The following KCNIP4 variants were observed in gnomAD, a reference collection of about 807,000 sequenced individuals.
KCNIP4 encodes the protein Kv channel-interacting protein 4.
In KCNIP4, 12 loss-of-function variants were observed where a neutral mutation model predicts 34.0. That is an observed-to-expected ratio of 0.35 (90% confidence interval 0.23 to 0.57). The LOEUF (loss-of-function observed/expected upper bound fraction) is 0.57, where lower values mean the gene tolerates loss of function less well. Ranked by LOEUF, KCNIP4 falls within the 20% of genes least tolerant of loss-of-function variation. The pLI is 0.83. For missense variants in KCNIP4, 238 were observed against 311.7 expected (o/e 0.76, Z 1.78); for synonymous variants, 124 against 102.2 (o/e 1.21, Z -1.29).
chr4:21,928,195 G>A (rs932374775), intron 1 of KCNIP4, among the ~76,000 whole-genome samples: 1 of 150,992 alleles, frequency 6.6e-6, no homozygotes, highest in Non-Finnish European at 1.5e-5. Context: ...TAAACCCCTG[G>A]TTTGGATCAG....
chr4:20,922,963 G>A (rs1039307577), intron 1 of KCNIP4, among the ~76,000 whole-genome samples: 18 of 151,134 alleles, frequency 1.2e-4, no homozygotes, highest in Admixed American at 7.3e-4. Flanking sequence ...ATGTGAGTAC[G>A]TGTGTGTGTG....
At chr4:20,846,666 G>A (rs1006814752) in intron 3 of KCNIP4, among the ~76,000 whole-genome samples, 24 of 151,678 alleles carry the variant, frequency 1.6e-4, no homozygotes, top group African/African-American at 5.6e-4. Flanking sequence ...ACACACATAC[G>A]CGCACACACA....
At chr4:21,113,247 A>G (rs1413642600) in intron 1 of KCNIP4, among the ~76,000 whole-genome samples, 2 of 152,162 alleles carry the variant, frequency 1.3e-5, no homozygotes, top group African/African-American at 2.4e-5. Context: ...AGTTCTTTCA[A>G]AAGTAACAAA....
intron 1 of KCNIP4, among the ~76,000 whole-genome samples, chr4:21,144,236 T>G (rs1752189346): frequency 6.6e-6 from 1 of 152,244 alleles, no homozygotes; most frequent in African/African-American, 2.4e-5. Context: ...AGTGGTACTT[T>G]AAATCCTTCT....
chr4:21,851,795 T>C (rs1425718541), intron 1 of KCNIP4: 1 of 152,166 alleles, frequency 6.6e-6, no homozygotes, highest in Non-Finnish European at 1.5e-5. Flanking sequence ...TTTAGTTTTT[T>C]AAATTGTCAG....
At chr4:21,775,263 A>G (rs1719097953) in intron 1 of KCNIP4, among the ~76,000 whole-genome samples, 1 of 152,028 alleles carries the variant, frequency 6.6e-6, no homozygotes, top group Non-Finnish European at 1.5e-5. Flanking sequence ...TTCAGGCCCT[A>G]TTCATCTGAT....
chr4:21,320,964 T>TTAAAAAAAAAAAA (rs1553860312), intron 1 of KCNIP4, among the ~76,000 whole-genome samples: 4 of 102,916 alleles, frequency 3.9e-5, no homozygotes, highest in Non-Finnish European at 3.7e-5. Context: ...GAATCTGTCT[T>TTAAAAAAAAAAAA]AAAAAAAAAA....
At chr4:21,906,589 T>C (rs1728014802) in intron 1 of KCNIP4, among the ~76,000 whole-genome samples, 1 of 152,102 alleles carries the variant, frequency 6.6e-6, no homozygotes, top group African/African-American at 2.4e-5. Flanking sequence ...TTCTGTCTGT[T>C]AGAAGCCACA....
At chr4:21,500,125 G>C (rs951528622) in intron 1 of KCNIP4, among the ~76,000 whole-genome samples, 121 of 152,198 alleles carry the variant, frequency 8.0e-4, no homozygotes, top group African/African-American at 2.8e-3. Context: ...CAAGCAAAAA[G>C]GCTACACAAC....
chr4:20,957,256 A>T (rs1733407623), intron 1 of KCNIP4, among the ~76,000 whole-genome samples: 1 of 152,162 alleles, frequency 6.6e-6, no homozygotes, highest in Admixed American at 6.5e-5. Flanking sequence ...TGAGGGTTCT[A>T]TCTAGTTCTT....
chr4:21,210,225 A>G (rs1757126353), intron 1 of KCNIP4, among the ~76,000 whole-genome samples: 1 of 152,050 alleles, frequency 6.6e-6, no homozygotes, highest in Admixed American at 6.6e-5. Flanking sequence ...TGCCTCTTTT[A>G]TTTTACTGCC....
chr4:21,582,408 C>CA (rs1163826915), intron 1 of KCNIP4: 1 of 151,826 alleles, frequency 6.6e-6, no homozygotes, highest in African/African-American at 2.4e-5. Flanking sequence ...AAGTGGAGTA[C>CA]AATAGGACTT....
At chr4:20,970,135 G>C (rs911938821) in intron 1 of KCNIP4, among the ~76,000 whole-genome samples, 7 of 152,150 alleles carry the variant, frequency 4.6e-5, no homozygotes, top group African/African-American at 1.7e-4. Flanking sequence ...TAAATACGGG[G>C]TTTCACCGTG....
intron 1 of KCNIP4, among the ~76,000 whole-genome samples, chr4:21,431,442 G>A (rs1027574313): frequency 6.6e-6 from 1 of 151,890 alleles, no homozygotes; most frequent in African/African-American, 2.4e-5. Context: ...CTTTGACGTC[G>A]ACCCTTCCGA....
chr4:20,955,491 G>A (rs1182823641), intron 1 of KCNIP4, among the ~76,000 whole-genome samples: 2 of 152,060 alleles, frequency 1.3e-5, no homozygotes, highest in Non-Finnish European at 2.9e-5. Flanking sequence ...TGAGTCTCAG[G>A]TTCTTCATCT....
At chr4:21,547,059 G>C (rs964584461) in intron 1 of KCNIP4, among the ~76,000 whole-genome samples, 1 of 152,062 alleles carries the variant, frequency 6.6e-6, no homozygotes, top group African/African-American at 2.4e-5. Flanking sequence ...TGGCTCTTGT[G>C]CTGTGGTGAT....
intron 1 of KCNIP4, among the ~76,000 whole-genome samples, chr4:21,634,924 G>A (rs1468702429): frequency 6.6e-6 from 1 of 152,086 alleles, no homozygotes; most frequent in Non-Finnish European, 1.5e-5. Context: ...CTGATGCACT[G>A]TATTTAAAAA....
At chr4:21,803,597 T>C (rs1721126020) in intron 1 of KCNIP4, among the ~76,000 whole-genome samples, 1 of 152,176 alleles carries the variant, frequency 6.6e-6, no homozygotes, top group South Asian at 2.1e-4. Context: ...CCTCTATTGC[T>C]ACTGGTCTTC....
intron 1 of KCNIP4, among the ~76,000 whole-genome samples, chr4:21,008,597 C>T (rs1169888308): frequency 6.6e-6 from 1 of 151,826 alleles, no homozygotes; most frequent in African/African-American, 2.4e-5. Context: ...GATCTCGGCT[C>T]ACTGCAAGCT....
Sources: gnomAD v4.1 joint callset for allele counts (sites outside exome capture counted in the v4.1 genomes callset) on GRCh38, gnomAD v4.1.1 for gene constraint, MANE v1.5 for transcripts, NCBI Gene and HGNC (gene_info 2026-07-23, HGNC 2026-07-21) for gene names.